The following SIMC1 variants were observed in gnomAD, a reference collection of about 807,000 sequenced individuals.
SIMC1 encodes the protein SUMO interacting motifs containing 1, also known as SUMO-interacting motif-containing protein 1.
Under a neutral mutation model 82.3 loss-of-function variants are expected in SIMC1, and 55 were observed. The observed-to-expected ratio is 0.67, with a 90% CI of 0.54 to 0.84. SIMC1 has a LOEUF of 0.84. Among genes scored for constraint, SIMC1 ranks in the 40% least tolerant of loss-of-function variants. The pLI, the probability that SIMC1 is intolerant of heterozygous loss-of-function variation, is 0.00. For missense variants in SIMC1, 915 were observed against 1,107.2 expected (o/e 0.83, Z 2.46); for synonymous variants, 353 against 426.3 (o/e 0.83, Z 2.12).
intron 1 of SIMC1, among the ~76,000 whole-genome samples, chr5:176,284,412 A>C (rs1222016279): frequency 3.2e-5 from 3 of 93,190 alleles, no homozygotes; most frequent in South Asian, 3.4e-4. Flanking sequence ...ACAACCTGCT[A>C]TTGAATGACT....
chr5:176,260,847 C>A (rs992995736), intron 1 of SIMC1, among the ~76,000 whole-genome samples: 1 of 152,140 alleles, frequency 6.6e-6, no homozygotes, highest in Non-Finnish European at 1.5e-5. Flanking sequence ...GGCAGATGCT[C>A]ACTTTCCCAG....
intron 7 of SIMC1, among the ~76,000 whole-genome samples, chr5:176,332,390 A>G (rs1765705569): frequency 6.6e-6 from 1 of 152,130 alleles, no homozygotes; most frequent in Non-Finnish European, 1.5e-5. Context: ...TCCCGGGTTC[A>G]AGAGATTCTC....
intron 4 of SIMC1, among the ~76,000 whole-genome samples, chr5:176,303,450 T>C (rs1764130363): frequency 6.6e-6 from 1 of 151,670 alleles, no homozygotes; most frequent in Non-Finnish European, 1.5e-5. Flanking sequence ...GCTTCCCAAG[T>C]AGCTGGTATT....
rs113644298 is a variant in SIMC1, at chr5:176,282,245, A to C, written c.130-7409A>C. Among the ~76,000 whole-genome samples, 87 of 152,302 alleles carry C rather than the reference A, an allele frequency of 5.7e-4. 1 individual carries two copies. The South Asian group carries it at 8.3e-3, about 14-fold the overall frequency. On this transcript the variant is annotated intron_variant, in intron 1 of 9. Transcript: ENST00000429602. Reference sequence around the variant, plus strand: ...TAGGACCCTCCAAGCCAGGTGCAGGATATAATCTCCTGGTGCGCCCTTTTT... The same window carrying C: ...TAGGACCCTCCAAGCCAGGTGCAGGCTATAATCTCCTGGTGCGCCCTTTTT...
intron 4 of SIMC1, chr5:176,313,219 G>A: frequency 8.3e-7 from 1 of 1,204,548 alleles, no homozygotes; most frequent in East Asian, 3.2e-5. Context: ...GTTTGATCTA[G>A]CAGCACAGGA....
chr5:176,305,109 G>C (rs373998168), intron 4 of SIMC1, among the ~76,000 whole-genome samples: 7 of 142,220 alleles, frequency 4.9e-5, no homozygotes, highest in South Asian at 2.3e-4. Context: ...GGTCAGCCCC[G>C]ACGCCCGGCC....
At chr5:176,303,147 AATCTCAGCT>A (rs1764112651) in intron 4 of SIMC1, among the ~76,000 whole-genome samples, 2 of 151,996 alleles carry the variant, frequency 1.3e-5, no homozygotes, top group Non-Finnish European at 2.9e-5. Context: ...GGGCACCTGT[AATCTCAGCT>A]ACCCAGGAGG....
intron 1 of SIMC1, among the ~76,000 whole-genome samples, chr5:176,244,882 C>A (rs1237492489): frequency 2.0e-5 from 3 of 151,840 alleles, no homozygotes; most frequent in Admixed American, 6.6e-5. Flanking sequence ...CCACCATGCC[C>A]AGCTAATTTT....
In SIMC1 at chr5:176,290,336, C is replaced by G; in HGVS notation, c.812C>G (p.Pro271Arg). Reference sequence around the variant, plus strand: ...CACCCACCTCAAGAAGTGCCATGCCCTCGGCAGAATATCCCAGGCCCACCT... The same window carrying G: ...CACCCACCTCAAGAAGTGCCATGCCGTCGGCAGAATATCCCAGGCCCACCT... Reference protein sequence around the residue: ...LTHPPQEVPCPRQNIPGPPQD... With the variant: ...LTHPPQEVPCRRQNIPGPPQD... The change falls in exon 2 of 10, where the codon CCT becomes CGT. Residue 271 changes from proline to arginine, a missense_variant. Pro to Arg is a moderately radical substitution (Grantham distance 103). Coordinates refer to ENST00000429602, the MANE Select transcript of SIMC1 (RefSeq NM_001308195.2). 1 of 1,613,994 alleles carries G rather than the reference C, an allele frequency of 6.2e-7. No individual in the cohort carries two copies. Among genetic ancestry groups the G allele is most frequent in the Non-Finnish European group, 8.5e-7 (1 of 1,179,890 alleles).
rs144302665 is a variant in SIMC1, at chr5:176,337,734, C to T, written c.2413+588C>T. 3.7e-3 allele frequency among the ~76,000 whole-genome samples: 558 copies of T among 152,282 alleles called. 2 individuals carry two copies. The highest frequency in any genetic ancestry group is 0.012 in the African/African-American group (504 of 41,552). ...GGACATTGTAAACATTGTAAACATC[C>T]GTCAATACAATGTAAGTACAGAGCA... On this transcript the variant is annotated intron_variant, in intron 9 of 9. Coordinates refer to ENST00000429602, the MANE Select transcript of SIMC1 (RefSeq NM_001308195.2).
intron 1 of SIMC1, among the ~76,000 whole-genome samples, chr5:176,264,557 C>T (rs1484368895): frequency 6.6e-6 from 1 of 151,778 alleles, no homozygotes; most frequent in Non-Finnish European, 1.5e-5. Context: ...GGATTGGGCT[C>T]CTGAAACCAT....
chr5:176,265,647 A>G (rs1380241535), intron 1 of SIMC1, among the ~76,000 whole-genome samples: 1 of 152,048 alleles, frequency 6.6e-6, no homozygotes, highest in Non-Finnish European at 1.5e-5. Context: ...CAGATGCCAA[A>G]TATCGGGATG....
intron 1 of SIMC1, among the ~76,000 whole-genome samples, chr5:176,246,289 C>T (rs1761438863): frequency 6.6e-6 from 1 of 152,144 alleles, no homozygotes; most frequent in Non-Finnish European, 1.5e-5. Flanking sequence ...GGATTACAGG[C>T]ATGAGCCACC....
At chr5:176,330,498 C>T (rs968054552) in intron 7 of SIMC1, among the ~76,000 whole-genome samples, 3 of 151,850 alleles carry the variant, frequency 2.0e-5, no homozygotes, top group Non-Finnish European at 4.4e-5. Context: ...ACATCTTGTG[C>T]CACAAAGTAA....
intron 1 of SIMC1, among the ~76,000 whole-genome samples, chr5:176,287,536 G>A (rs1220636105): frequency 1.3e-5 from 2 of 151,966 alleles, no homozygotes; most frequent in East Asian, 1.9e-4. Context: ...TGTAAATGAC[G>A]ACTTAATGGT....
rs1447171813 is a variant in SIMC1 at position 176,249,472 on chromosome 5, A to G, written c.129+10835A>G. On this transcript the variant is annotated intron_variant, in intron 1 of 9. Transcript: ENST00000429602. Reference sequence around the variant, plus strand: ...TATCCCCTTTATTATTTTTTATTGTATCTATTTGATTCTTCTCTCTTTTCT... The same window carrying G: ...TATCCCCTTTATTATTTTTTATTGTGTCTATTTGATTCTTCTCTCTTTTCT... Among the ~76,000 whole-genome samples, 5 of 151,716 alleles carry G rather than the reference A, an allele frequency of 3.3e-5. No individual in the cohort carries two copies. In the East Asian group the frequency reaches 5.8e-4, roughly 18 times the overall value.
chr5:176,279,369 TC>T (rs1193288421), intron 1 of SIMC1, among the ~76,000 whole-genome samples: 2 of 152,210 alleles, frequency 1.3e-5, no homozygotes, highest in African/African-American at 4.8e-5. Context: ...TCTCTTTTTT[TC>T]TTTATTAGTC....
Position 176,337,867 on chromosome 5 carries a change from A to G in SIMC1, c.2413+721A>G, listed in dbSNP as rs145887106. Among the ~76,000 whole-genome samples the G allele has an allele frequency of 2.5e-3, 386 of 152,352 alleles. 3 individuals carry two copies. The highest frequency in any genetic ancestry group is 8.8e-3 in the African/African-American group (365 of 41,596). ...TGGGTCACAGGTGAAGCCAGTGACC[A>G]ATGACGATGTAGGAGAGTTAGACCA... On this transcript the variant is annotated intron_variant, in intron 9 of 9. Transcript: ENST00000429602.
chr5:176,344,494 CA>C (rs1329152502), intron 9 of SIMC1, among the ~76,000 whole-genome samples: 7 of 125,750 alleles, frequency 5.6e-5, no homozygotes, highest in Non-Finnish European at 8.8e-5. Flanking sequence ...CACACACACA[CA>C]CACACACACA....
Sources: gnomAD v4.1 joint callset for allele counts (sites outside exome capture counted in the v4.1 genomes callset) on GRCh38, gnomAD v4.1.1 for gene constraint, MANE v1.5 for transcripts, NCBI Gene and HGNC (gene_info 2026-07-23, HGNC 2026-07-21) for gene names.